RNMT: variants seen among roughly 807,000 people sequenced by gnomAD.
RNMT encodes RNA guanine-7 methyltransferase.
RNMT carries 27 observed loss-of-function variants against 56.0 expected under a neutral mutation model. The observed-to-expected ratio is 0.48, with a 90% confidence interval of 0.36 to 0.67. The LOEUF (loss-of-function observed/expected upper bound fraction) is 0.67. Ranked by LOEUF, RNMT falls within the 30% of genes least tolerant of loss-of-function variation. RNMT has a pLI of 0.00. For missense variants in RNMT, 519 were observed against 552.1 expected (o/e 0.94, Z 0.60); for synonymous variants, 184 against 176.2 (o/e 1.04, Z -0.35).
intron 11 of RNMT, among the ~76,000 whole-genome samples, chr18:13,758,067 A>C (rs1439637179): frequency 1.3e-5 from 2 of 152,224 alleles, no homozygotes; most frequent in Non-Finnish European, 2.9e-5. Context: ...AGGTCTCAAC[A>C]GTGGGCCTAA....
chr18:13,745,773 A>AG (rs1295471889), intron 8 of RNMT, among the ~76,000 whole-genome samples: 2 of 152,156 alleles, frequency 1.3e-5, no homozygotes, highest in African/African-American at 2.4e-5. Context: ...AGGAAAAAAA[A>AG]AAAACCTGCA....
chr18:13,736,940 G>T (rs909614312), intron 4 of RNMT, 70 bp from the exon 5 acceptor site: 18 of 1,361,512 alleles, frequency 1.3e-5, no homozygotes, highest in African/African-American at 2.9e-5. Flanking sequence ...TAGGTTATTA[G>T]AGGTAACAGT....
At chr18:13,757,744 A>G (rs1419137981) in intron 11 of RNMT, among the ~76,000 whole-genome samples, 1 of 152,206 alleles carries the variant, frequency 6.6e-6, no homozygotes, top group Non-Finnish European at 1.5e-5. Flanking sequence ...ACCTCATCCC[A>G]TGAAGCATGA....
chr18:13,760,005 GC>G lies in RNMT; in HGVS notation c.*28del. The G allele has an allele frequency of 1.2e-6, 2 of 1,612,202 alleles. No homozygotes were observed. The highest frequency in any genetic ancestry group is 1.7e-6 in the Non-Finnish European group (2 of 1,178,922). Reference sequence around the variant, plus strand: ...GCACATAGGCAGTAGTCCCAGAGGGGCCGTGTTCTGTCCTGCACAAATTTGA... The same window carrying G: ...GCACATAGGCAGTAGTCCCAGAGGGGCGTGTTCTGTCCTGCACAAATTTGA... On this transcript the variant is annotated 3_prime_UTR_variant, in exon 12 of 12. Coordinates refer to ENST00000383314, the MANE Select transcript of RNMT (RefSeq NM_003799.3).
At chr18:13,751,398 A>G (rs369447199) in intron 9 of RNMT, among the ~76,000 whole-genome samples, 1 of 152,246 alleles carries the variant, frequency 6.6e-6, no homozygotes, top group Non-Finnish European at 1.5e-5. Context: ...AGAGAAATGC[A>G]AATCAAAACC....
At chr18:13,755,488 C>A (rs548029596) in intron 11 of RNMT, among the ~76,000 whole-genome samples, 1 of 152,292 alleles carries the variant, frequency 6.6e-6, no homozygotes, top group South Asian at 2.1e-4. Context: ...CAGAGCTAAC[C>A]TGTGGTTAGC....
intron 8 of RNMT, among the ~76,000 whole-genome samples, chr18:13,743,329 A>AAAATAAAT (rs149097059): frequency 9.4e-5 from 3 of 31,830 alleles, no homozygotes; most frequent in South Asian, 1.6e-3. Flanking sequence ...TCTCAAAAAA[A>AAAATAAAT]AAATAAATAA....
intron 2 of RNMT, among the ~76,000 whole-genome samples, chr18:13,731,268 C>A (rs960372196): frequency 6.6e-6 from 1 of 152,094 alleles, no homozygotes; most frequent in Non-Finnish European, 1.5e-5. Flanking sequence ...ATTAGCCAGG[C>A]GTGGTGGCAG....
Position 13,741,178 on chromosome 18 carries a change from G to T in RNMT, c.793-332G>T, listed in dbSNP as rs116249050. Among the ~76,000 whole-genome samples the T allele has an allele frequency of 9.5e-3, 1,301 of 136,248 alleles. 23 individuals carry two copies. Among genetic ancestry groups the T allele is most frequent in the African/African-American group, 0.034 (1,254 of 36,502 alleles). The allele number at this position is 136,248 out of a possible 152,430, so 89.4% of individuals were successfully genotyped here. A position where few individuals can be genotyped will look rare whatever the true frequency, so the allele number is the denominator to read the frequency against. On this transcript the variant is annotated intron_variant, in intron 6 of 11. Coordinates refer to ENST00000383314, the MANE Select transcript of RNMT (RefSeq NM_003799.3). ...TTGCATTTTTTAAAAAATGCCAAAC[G>T]CCAGATGTTTTTTAACTCAAGTTAT...
At chr18:13,733,216 G>T (rs550274738) in intron 3 of RNMT, among the ~76,000 whole-genome samples, 14 of 152,300 alleles carry the variant, frequency 9.2e-5, no homozygotes, top group African/African-American at 2.9e-4. Flanking sequence ...CACTTTGGCT[G>T]AAAAGGGAGG....
In RNMT at chr18:13,754,118, C is replaced by G. The variant is rs754569928; in HGVS notation, c.1364C>G (p.Thr455Ser). The change falls in exon 11 of 12, where the codon ACC becomes AGC. Residue 455 changes from threonine to serine, a missense_variant. By Grantham distance (58) the Thr-to-Ser change is moderately conservative. Coordinates refer to ENST00000383314, the MANE Select transcript of RNMT (RefSeq NM_003799.3). ...KNSQVRLPLG[T>S]LSKSEWEATS... ...TTTTCTCTTTTGTAATTTTAGGGAA[C>G]CTTAAGTAAATCAGAATGGGAAGCT... 8 of 1,548,606 alleles carry G rather than the reference C, an allele frequency of 5.2e-6. 1 individual carries two copies. Among genetic ancestry groups the G allele is most frequent in the Middle Eastern group, 3.4e-4 (2 of 5,926 alleles).
intron 3 of RNMT, among the ~76,000 whole-genome samples, chr18:13,732,322 A>T (rs1601995780): frequency 6.6e-6 from 1 of 152,156 alleles, no homozygotes; most frequent in African/African-American, 2.4e-5. Flanking sequence ...TTTTAAAAAG[A>T]CTAGAGTATG....
chr18:13,762,349 T>C lies in RNMT; in HGVS notation c.*2370T>C. The C allele has an allele frequency of 1.6e-6, 1 of 632,250 alleles. No homozygotes were observed. The highest frequency in any genetic ancestry group is 2.0e-5 in the South Asian group (1 of 50,438). The allele number at this position is 632,250 out of a possible 1,614,324, so 39.2% of individuals were successfully genotyped here. ...TGTTCAGGGAGAGGAGCTGGCAGTT[T>C]TTAACCACTTCTGTGGGAGCCGTGT... is the stretch of plus-strand genomic sequence containing the variant. On this transcript the variant is annotated 3_prime_UTR_variant, in exon 12 of 12. Coordinates refer to ENST00000383314, the MANE Select transcript of RNMT (RefSeq NM_003799.3).
At chr18:13,735,500 C>CTTTTTTTTTTTTT (rs5823269) in intron 4 of RNMT, among the ~76,000 whole-genome samples, 1 of 138,268 alleles carries the variant, frequency 7.2e-6, no homozygotes. Context: ...TGAGTGTTCA[C>CTTTTTTTTTTTTT]TTTTTTTTTT....
At position 13,762,223 on chromosome 18, in the gene RNMT, G is replaced by C; in HGVS notation, c.*2244G>C. On this transcript the variant is annotated 3_prime_UTR_variant, in exon 12 of 12. Transcript: ENST00000383314. ...TGGGAATGACGGAACTGGGGATTGC[G>C]ATGATTGATCTGGGAACATGGCTGG... 6.9e-7 allele frequency: 1 copy of C among 1,442,044 alleles called. No homozygotes were observed. The highest frequency in any genetic ancestry group is 9.2e-7 in the Non-Finnish European group (1 of 1,086,440). The allele number at this position is 1,442,044 out of a possible 1,614,324, so 89.3% of individuals were successfully genotyped here.
intron 6 of RNMT, among the ~76,000 whole-genome samples, chr18:13,741,157 A>AT (rs2044245037): frequency 6.6e-6 from 1 of 151,226 alleles, no homozygotes; most frequent in Non-Finnish European, 1.5e-5. Flanking sequence ...ACATTTTTGC[A>AT]TTTTTTAAAA....
rs2044613596 is a variant in RNMT at position 13,761,092 on chromosome 18, A to T, written c.*1113A>T. The stretch of plus-strand genomic sequence containing the variant: ...AAATTATTAAGCCATGATTTACAAA[A>T]ACATTACTTTCTGTAATTCACAATA... On this transcript the variant is annotated 3_prime_UTR_variant, in exon 12 of 12. Transcript: ENST00000383314. 2 of 985,130 alleles carry T rather than the reference A, an allele frequency of 2.0e-6. No homozygotes were observed. Among genetic ancestry groups the T allele is most frequent in the Middle Eastern group, 5.2e-4 (1 of 1,932 alleles). The allele number at this position is 985,130 out of a possible 1,614,324, so 61.0% of individuals were successfully genotyped here. A position where few individuals can be genotyped will look rare whatever the true frequency, so the allele number is the denominator to read the frequency against.
intron 8 of RNMT, among the ~76,000 whole-genome samples, chr18:13,745,183 C>T (rs919354721): frequency 6.6e-6 from 1 of 152,158 alleles, no homozygotes; most frequent in Non-Finnish European, 1.5e-5. Flanking sequence ...GTCTTCGAGA[C>T]CATGTTCTGT....
intron 2 of RNMT, among the ~76,000 whole-genome samples, 155 bp downstream of exon 2, chr18:13,730,910 A>G (rs1254531228): frequency 6.6e-6 from 1 of 152,240 alleles, no homozygotes; most frequent in East Asian, 1.9e-4. Context: ...CAGAACCAAA[A>G]TGGAACTAGT....
Sources: gnomAD v4.1 joint callset for allele counts (sites outside exome capture counted in the v4.1 genomes callset) on GRCh38, gnomAD v4.1.1 for gene constraint, MANE v1.5 for transcripts, NCBI Gene and HGNC (gene_info 2026-07-23, HGNC 2026-07-21) for gene names.